NAALADL2: variants seen among roughly 807,000 people sequenced by gnomAD.
NAALADL2 encodes inactive N-acetylated-alpha-linked acidic dipeptidase-like protein 2.
A neutral mutation model predicts 87.2 loss-of-function variants in NAALADL2; 76 were observed. That is an observed-to-expected ratio of 0.87 (90% CI 0.72 to 1.05). The LOEUF (loss-of-function observed/expected upper bound fraction) is 1.05, where lower values mean the gene tolerates loss of function less well. Ranked by LOEUF, NAALADL2 falls within the 50% of genes least tolerant of loss-of-function variation. The pLI, the probability that NAALADL2 is intolerant of heterozygous loss-of-function variation, is 0.00. For missense variants in NAALADL2, 1,089 were observed against 945.8 expected, an observed-to-expected ratio of 1.15 and a Z score of -1.99; for synonymous variants, 354 against 331.0, an observed-to-expected ratio of 1.07 and a Z score of -0.75.
chr3:174,836,657 C>T (rs1197503485), intron 3 of NAALADL2, among the ~76,000 whole-genome samples: 4 of 129,966 alleles, frequency 3.1e-5, no homozygotes, highest in Non-Finnish European at 4.6e-5. Context: ...TGCAGTGAGC[C>T]GAAATCGCGC....
At chr3:174,850,991 A>G (rs1725174191) in intron 3 of NAALADL2, among the ~76,000 whole-genome samples, 1 of 152,170 alleles carries the variant, frequency 6.6e-6, no homozygotes, top group Admixed American at 6.5e-5. Flanking sequence ...TTGAAAGTTA[A>G]ACATTATTCT....
intron 11 of NAALADL2, among the ~76,000 whole-genome samples, chr3:175,647,446 C>G (rs1730167689): frequency 2.0e-5 from 3 of 152,092 alleles, no homozygotes; most frequent in Admixed American, 6.6e-5. Flanking sequence ...ATATAATCTT[C>G]TTTCAGACCA....
intron 2 of NAALADL2, among the ~76,000 whole-genome samples, chr3:175,216,510 G>C (rs1237478471): frequency 6.6e-6 from 1 of 152,100 alleles, no homozygotes; most frequent in African/African-American, 2.4e-5. Context: ...ACTCAGGCAG[G>C]ACAAGGAGAT....
chr3:174,703,908 G>A (rs999928608), intron 2 of NAALADL2, among the ~76,000 whole-genome samples: 6 of 152,290 alleles, frequency 3.9e-5, no homozygotes, highest in African/African-American at 7.2e-5. Context: ...TCTTAGGGTA[G>A]GAAAATTTTT....
chr3:175,386,925 T>A (rs1171639341), intron 5 of NAALADL2, among the ~76,000 whole-genome samples: 2 of 152,092 alleles, frequency 1.3e-5, no homozygotes, highest in Admixed American at 1.3e-4. Context: ...AATTTGGATA[T>A]GCCAAAGAGA....
intron 5 of NAALADL2, among the ~76,000 whole-genome samples, chr3:175,422,183 C>A (rs1715822231): frequency 6.6e-6 from 1 of 151,902 alleles, no homozygotes; most frequent in Admixed American, 6.6e-5. Context: ...TTGAGTATGC[C>A]AGCAAAATAG....
chr3:175,254,993 A>C (rs1043633785), intron 3 of NAALADL2, among the ~76,000 whole-genome samples: 30 of 152,320 alleles, frequency 2.0e-4, no homozygotes, highest in African/African-American at 7.0e-4. Flanking sequence ...CATATGCTGG[A>C]CACCTGGGCG....
intron 13 of NAALADL2, among the ~76,000 whole-genome samples, chr3:175,794,249 GATA>G (rs1753177330): frequency 6.6e-6 from 1 of 152,070 alleles, no homozygotes; most frequent in Admixed American, 6.5e-5. Flanking sequence ...AATACTAAGA[GATA>G]ATGAGTTCCA....
intron 4 of NAALADL2, among the ~76,000 whole-genome samples, chr3:175,311,664 T>C (rs1581368098): frequency 7.0e-6 from 1 of 143,850 alleles, no homozygotes; most frequent in East Asian, 2.2e-4. Context: ...CCCTCCCTTC[T>C]TTCCTTCCTT....
intron 1 of NAALADL2, among the ~76,000 whole-genome samples, chr3:175,010,161 G>A (rs1749592634): frequency 6.6e-6 from 1 of 152,012 alleles, no homozygotes; most frequent in Non-Finnish European, 1.5e-5. Context: ...TTTTAACTTG[G>A]CCAATAATGT....
intron 3 of NAALADL2, among the ~76,000 whole-genome samples, chr3:174,816,377 G>A (rs1486469806): frequency 2.3e-5 from 3 of 129,234 alleles, no homozygotes; most frequent in Admixed American, 1.5e-4. Context: ...CTGGAATTGA[G>A]ATATATATAT....
At chr3:174,854,487 T>C (rs1033024324), upstream of NAALADL2, among the ~76,000 whole-genome samples, 1 of 152,142 alleles carries the variant, frequency 6.6e-6, no homozygotes, top group African/African-American at 2.4e-5. Flanking sequence ...AGGGTGACAA[T>C]GGTTAACAGT....
intron 10 of NAALADL2, among the ~76,000 whole-genome samples, chr3:175,581,476 C>G (rs78904559): frequency 0.019 from 2,895 of 152,118 alleles, 70 homozygotes; most frequent in Admixed American, 0.062. Flanking sequence ...GAATACAAGA[C>G]AATTGGATTT....
At chr3:174,976,751 G>A (rs1178981545) in intron 1 of NAALADL2, among the ~76,000 whole-genome samples, 2 of 152,184 alleles carry the variant, frequency 1.3e-5, no homozygotes, top group Non-Finnish European at 2.9e-5. Context: ...AATATTGTTA[G>A]AGACCCACAG....
At chr3:174,747,372 A>C (rs1244991487) in intron 3 of NAALADL2, among the ~76,000 whole-genome samples, 7 of 152,148 alleles carry the variant, frequency 4.6e-5, no homozygotes, top group African/African-American at 1.7e-4. Context: ...TCAATACCAC[A>C]GTGAGATAAC....
chr3:174,718,577 C>A (rs1731422253), intron 2 of NAALADL2, among the ~76,000 whole-genome samples: 1 of 152,090 alleles, frequency 6.6e-6, no homozygotes, highest in African/African-American at 2.4e-5. Context: ...TTTATTATGT[C>A]CAATTTTTGC....
At chr3:175,067,117 G>A (rs1382439272) in intron 1 of NAALADL2, among the ~76,000 whole-genome samples, 1 of 152,116 alleles carries the variant, frequency 6.6e-6, no homozygotes, top group African/African-American at 2.4e-5. Context: ...AGATTTAAAT[G>A]TAAGACCTCA....
chr3:175,396,153 G>C (rs2149039200), intron 5 of NAALADL2, among the ~76,000 whole-genome samples: 1 of 152,156 alleles, frequency 6.6e-6, no homozygotes, highest in South Asian at 2.1e-4. Flanking sequence ...GTCTTCCTAG[G>C]TAACCATATA....
chr3:175,520,511 G>A (rs1435330175), intron 9 of NAALADL2, among the ~76,000 whole-genome samples: 1 of 151,494 alleles, frequency 6.6e-6, no homozygotes, highest in Non-Finnish European at 1.5e-5. Flanking sequence ...TGTTAGCCAG[G>A]ATGGTCTCGA....
Sources: allele counts gnomAD v4.1 joint callset (sites outside exome capture counted in the v4.1 genomes callset), GRCh38; gene constraint gnomAD v4.1.1; transcripts MANE v1.5; gene names NCBI Gene and HGNC (gene_info 2026-07-23, HGNC 2026-07-21).